TRAF3IP1: variants seen among roughly 807,000 people sequenced by gnomAD.
The protein encoded by TRAF3IP1 is intraflagellar transport 54.
Under a neutral mutation model 89.9 loss-of-function variants are expected in TRAF3IP1, and 53 were observed. The ratio of observed to expected loss-of-function variants is 0.59; its 90% confidence interval spans 0.47 to 0.74. TRAF3IP1 has a LOEUF of 0.74. Ranked by LOEUF, TRAF3IP1 falls within the 30% of genes least tolerant of loss-of-function variation. The pLI, the probability that TRAF3IP1 is intolerant of heterozygous loss-of-function variation, is 0.00. For missense variants in TRAF3IP1, 806 were observed against 866.1 expected (o/e 0.93, Z 0.87); for synonymous variants, 311 against 322.1 (o/e 0.97, Z 0.37).
rs1442590613 is a variant in TRAF3IP1, at chr2:238,345,757, C to G, written c.1261+1159C>G. Among the ~76,000 whole-genome samples the G allele has an allele frequency of 3.3e-5, 5 of 152,020 alleles. No individual in the cohort carries two copies. Among genetic ancestry groups the G allele is most frequent in the Non-Finnish European group, 5.9e-5 (4 of 68,000 alleles). ...AGGGAAGGCCCAGGCTAGAGAGGAG[C>G]TGTGAGAGTTGCTGGCGCTGGGTGA... On this transcript the variant is annotated intron_variant, in intron 9 of 16. Transcript: ENST00000373327. The surrounding 1 kb of genome is among the most constrained non-coding windows in gnomAD (Gnocchi z 4.7).
intron 15 of TRAF3IP1, among the ~76,000 whole-genome samples, chr2:238,381,748 C>T (rs1165503021): frequency 1.3e-5 from 2 of 152,180 alleles, no homozygotes; most frequent in East Asian, 1.9e-4. Flanking sequence ...AAGCACCTCA[C>T]GTGAGCAGAA....
chr2:238,384,538 AATTTTTTTTTTTTTTTTTTGT>A, intron 15 of TRAF3IP1, among the ~76,000 whole-genome samples: 1 of 75,354 alleles, frequency 1.3e-5, no homozygotes, highest in African/African-American at 5.3e-5. Flanking sequence ...CCGCCTGGCT[AATTTTTTTTTTTTTTTTTTGT>A]ATTTTTTTTT....
At chr2:238,330,567 T>C (rs1335321063) in intron 5 of TRAF3IP1, among the ~76,000 whole-genome samples, 8 of 152,184 alleles carry the variant, frequency 5.3e-5, no homozygotes, top group Non-Finnish European at 1.2e-4. Flanking sequence ...CCTGAGCTGG[T>C]GCCATGGCCT....
intron 15 of TRAF3IP1, among the ~76,000 whole-genome samples, chr2:238,388,377 A>AC (rs1700862430): frequency 6.7e-6 from 1 of 149,932 alleles, no homozygotes; most frequent in Admixed American, 6.7e-5. Context: ...CCTGTCTCAA[A>AC]AAAAAAAAAA....
chr2:238,325,196 TC>T, intron 1 of TRAF3IP1, 109 bp from the exon 2 acceptor site: 1 of 1,061,066 alleles, frequency 9.4e-7, no homozygotes, highest in Non-Finnish European at 1.5e-6. Flanking sequence ...ATGATTCAAA[TC>T]TGGGCTGCTA....
At position 238,343,246 on chromosome 2, in the gene TRAF3IP1, C is replaced by T. The variant is rs190136073; in HGVS notation, c.1160-1251C>T. On this transcript the variant is annotated intron_variant, in intron 8 of 16. Transcript: ENST00000373327. ...GACTACAGGCATGTGCCACCACACCCGGCTAATTTTTCTATTTTTAGTAGA... is the reference window on the plus strand; with the variant it reads ...GACTACAGGCATGTGCCACCACACCTGGCTAATTTTTCTATTTTTAGTAGA... Among the ~76,000 whole-genome samples the T allele has an allele frequency of 3.4e-3, 512 of 151,908 alleles. 9 individuals carry two copies. The highest frequency in any genetic ancestry group is 0.022 in the East Asian group (115 of 5,138).
chr2:238,396,096 A>G (rs1259252495), intron 15 of TRAF3IP1, among the ~76,000 whole-genome samples: 1 of 152,198 alleles, frequency 6.6e-6, no homozygotes. Context: ...TTATTGCGGC[A>G]CTATTCACAA....
rs10527993 is a variant in TRAF3IP1, at chr2:238,351,834, GGTGTGTGTGT to G, written c.1452-969_1452-960del. Among the ~76,000 whole-genome samples, 61 of 140,954 alleles carry G rather than the reference GGTGTGTGTGT, an allele frequency of 4.3e-4. No individual in the cohort carries two copies. The highest frequency in any genetic ancestry group is 7.6e-4 in the Admixed American group (11 of 14,436). 92.5% of individuals were successfully genotyped at this position (140,954 alleles called of 152,430 possible). ...TGGCACTGAAGCAAGGGAGGATTTTGGTGTGTGTGTGTGTGTGTGTGTGTGTGTGTGTGCG... is the reference window on the plus strand; with the variant it reads ...TGGCACTGAAGCAAGGGAGGATTTTGGTGTGTGTGTGTGTGTGTGTGTGCG... On this transcript the variant is annotated intron_variant, in intron 12 of 16. Transcript: ENST00000373327. The surrounding 1 kb of genome is among the most constrained non-coding windows in gnomAD (Gnocchi z 5.2).
At chr2:238,388,271 A>T (rs914328820) in intron 15 of TRAF3IP1, among the ~76,000 whole-genome samples, 24 of 149,478 alleles carry the variant, frequency 1.6e-4, no homozygotes, top group Admixed American at 5.4e-4. Flanking sequence ...GCTACTCGGG[A>T]GGCTGAGGCA....
chr2:238,377,230 C>T lies in TRAF3IP1; in HGVS notation c.1690-20229C>T, dbSNP rs572184422. ...CCTCGTTTCCTTCCTTCCTGATTTT[C>T]TTTTTTTTTTTTTTTTTTTTTTTGA... On this transcript the variant is annotated intron_variant, in intron 15 of 16. Transcript: ENST00000373327. 8.4e-4 allele frequency among the ~76,000 whole-genome samples: 73 copies of T among 86,644 alleles called. 1 individual carries two copies. Among genetic ancestry groups the T allele is most frequent in the South Asian group, 1.8e-3 (4 of 2,246 alleles). The allele number at this position is 86,644 out of a possible 152,430, so 56.8% of individuals were successfully genotyped here. A position where few individuals can be genotyped will look rare whatever the true frequency, so the allele number is the denominator to read the frequency against.
At chr2:238,386,156 G>A (rs1574971481) in intron 15 of TRAF3IP1, among the ~76,000 whole-genome samples, 1 of 152,246 alleles carries the variant, frequency 6.6e-6, no homozygotes, top group East Asian at 1.9e-4. Context: ...AAAGTTTTGG[G>A]GAGCTGGCAA....
chr2:238,349,334 T>C lies in TRAF3IP1; in HGVS notation c.1377T>C (p.Pro459=). The C allele has an allele frequency of 6.2e-7, 1 of 1,614,130 alleles. No individual in the cohort carries two copies. Among genetic ancestry groups the C allele is most frequent in the Non-Finnish European group, 8.5e-7 (1 of 1,180,020 alleles). Residue 459 remains proline (P), a synonymous_variant, in exon 12 of 17, where the codon CCT becomes CCC. Coordinates refer to ENST00000373327, the MANE Select transcript of TRAF3IP1 (RefSeq NM_015650.4). ...CAATATTTGGGTTTAGAAGAATTCC[T>C]CGGCCTGGGAGTGCAAGACCAGCCC... is the stretch of plus-strand genomic sequence containing the variant. ...NELSSNIRRI[P]RPGSARPAPP...
chr2:238,361,237 T>G (rs1014516330), intron 15 of TRAF3IP1, among the ~76,000 whole-genome samples: 4 of 151,420 alleles, frequency 2.6e-5, no homozygotes, highest in Non-Finnish European at 4.4e-5. Flanking sequence ...TGTAGGGGGG[T>G]TTTGCTATGT....
chr2:238,325,710 A>G (rs984295631), intron 2 of TRAF3IP1, 99 bp from the exon 3 acceptor site: 2 of 1,202,118 alleles, frequency 1.7e-6, no homozygotes, highest in East Asian at 2.4e-5. Flanking sequence ...ACAGCTTTGT[A>G]TGTAAACAGA....
At chr2:238,358,372 C>T (rs1699515440) in intron 15 of TRAF3IP1, among the ~76,000 whole-genome samples, 1 of 152,160 alleles carries the variant, frequency 6.6e-6, no homozygotes, top group Admixed American at 6.5e-5. Flanking sequence ...CCCCTTTCTA[C>T]TAAGAATGCA....
chr2:238,370,249 ATATG>A (rs1400851238), intron 15 of TRAF3IP1, among the ~76,000 whole-genome samples: 5 of 147,800 alleles, frequency 3.4e-5, no homozygotes, highest in African/African-American at 7.9e-5. Context: ...GCATGTGTAT[ATATG>A]TGTGTGCATG....
In TRAF3IP1 at chr2:238,399,141, A is replaced by C; in HGVS notation, c.*222A>C. 1 of 447,786 alleles carries C rather than the reference A, an allele frequency of 2.2e-6. No homozygotes were observed. Among genetic ancestry groups the C allele is most frequent in the Non-Finnish European group, 3.9e-6 (1 of 256,714 alleles). The allele number at this position is 447,786 out of a possible 1,614,324, so 27.7% of individuals were successfully genotyped here. ...CAGATGGAATACTGGCTAGTTATAA[A>C]TAGCGCTTCCAAACACCTCTGTGAA... On this transcript the variant is annotated 3_prime_UTR_variant, in exon 17 of 17. Transcript: ENST00000373327.
At chr2:238,385,006 A>G (rs1027468018) in intron 15 of TRAF3IP1, among the ~76,000 whole-genome samples, 1 of 151,312 alleles carries the variant, frequency 6.6e-6, no homozygotes, top group African/African-American at 2.4e-5. Context: ...GTAGCTTTTT[A>G]TTTTTCTTTC....
intron 5 of TRAF3IP1, among the ~76,000 whole-genome samples, chr2:238,331,757 C>G (rs1698137048): frequency 6.6e-6 from 1 of 152,142 alleles, no homozygotes. Flanking sequence ...AAGCGCCAGG[C>G]AGGTGTGAGC....
Sources: allele counts gnomAD v4.1 joint callset (sites outside exome capture counted in the v4.1 genomes callset), GRCh38; gene constraint gnomAD v4.1.1; non-coding constraint Gnocchi (gnomAD v3.1); transcripts MANE v1.5; gene names NCBI Gene and HGNC (gene_info 2026-07-23, HGNC 2026-07-21).